Variants in GIT2 observed in about 807,000 individuals in gnomAD.
GIT2 encodes the protein ARF GTPase-activating protein GIT2.
A neutral mutation model predicts 100.3 loss-of-function variants in GIT2; 32 were observed. That is an observed-to-expected ratio of 0.32 (90% CI 0.24 to 0.43). GIT2 has a LOEUF of 0.43. Ranked by LOEUF, GIT2 falls within the 20% of genes least tolerant of loss-of-function variation. The pLI is 1.00. For synonymous variants in GIT2, 353 were observed against 364.1 expected, an observed-to-expected ratio of 0.97 and a Z score of 0.35; for missense variants, 737 against 975.1, an observed-to-expected ratio of 0.76 and a Z score of 3.25.
intron 9 of GIT2, among the ~76,000 whole-genome samples, chr12:109,963,945 C>T (rs1266693244): frequency 1.3e-5 from 2 of 152,136 alleles, no homozygotes; most frequent in African/African-American, 2.4e-5. Flanking sequence ...ATGTACTGAC[C>T]AGTCTGACTC....
In GIT2 at chr12:109,948,591, A is replaced by T. The variant is rs971202224; in HGVS notation, c.1393-1087T>A. On this transcript the variant is annotated intron_variant, in intron 14 of 19. Transcript: ENST00000355312. The surrounding 1 kb of genome is among the most constrained non-coding windows in gnomAD (Gnocchi z 4.3). ...TGGTGCGCCTTCATCTTCCATGGACATTCTATAAGCTGGGTGTGGTGTGAG... is the reference window on the plus strand; with the variant it reads ...TGGTGCGCCTTCATCTTCCATGGACTTTCTATAAGCTGGGTGTGGTGTGAG... The T allele has an allele frequency of 3.6e-6, 5 of 1,402,106 alleles. No individual in the cohort carries two copies. Among genetic ancestry groups the T allele is most frequent in the Non-Finnish European group, 4.6e-6 (5 of 1,085,342 alleles). 86.9% of individuals were successfully genotyped at this position (1,402,106 alleles called of 1,614,324 possible).
At position 109,948,992 on chromosome 12, in the gene GIT2, G is replaced by A. The variant is rs1592988252; in HGVS notation, c.1393-1488C>T. The A allele has an allele frequency of 3.3e-6, 2 of 602,654 alleles. No individual in the cohort carries two copies. Among genetic ancestry groups the A allele is most frequent in the Non-Finnish European group, 5.7e-6 (2 of 349,568 alleles). 37.3% of individuals were successfully genotyped at this position (602,654 alleles called of 1,614,324 possible). ...TACTTTATATTAATCATGCCAAACT[G>A]CTGTGAAAGTGTGACTTACTGCCTC... On this transcript the variant is annotated intron_variant, in intron 14 of 19. Coordinates refer to ENST00000355312, the MANE Select transcript of GIT2 (RefSeq NM_057169.5). This position sits in a 1 kb window ranked among gnomAD's most constrained non-coding sequence, Gnocchi z 4.3.
At chr12:109,946,537 C>T (rs1359851760) in intron 15 of GIT2, among the ~76,000 whole-genome samples, 1 of 152,172 alleles carries the variant, frequency 6.6e-6, no homozygotes, top group East Asian at 1.9e-4. Context: ...AACCTTATAA[C>T]ACAGTATGTA....
chr12:109,949,250 A>G (rs1196304337), intron 14 of GIT2, among the ~76,000 whole-genome samples: 1 of 152,262 alleles, frequency 6.6e-6, no homozygotes, highest in Non-Finnish European at 1.5e-5. Context: ...CCCAGGGCCT[A>G]GAGTGAAATG....
In GIT2 at chr12:109,948,549, G is replaced by A. The variant is rs928814168; in HGVS notation, c.1393-1045C>T. ...ACACCATTCACCACGTCCATTCTGCGCAGGGTCCTTCCCTTCTGGTGCGCC... is the reference window on the plus strand; with the variant it reads ...ACACCATTCACCACGTCCATTCTGCACAGGGTCCTTCCCTTCTGGTGCGCC... On this transcript the variant is annotated intron_variant, in intron 14 of 19. Coordinates refer to ENST00000355312, the MANE Select transcript of GIT2 (RefSeq NM_057169.5). This position sits in a 1 kb window ranked among gnomAD's most constrained non-coding sequence, Gnocchi z 4.3. The A allele has an allele frequency of 2.7e-5, 37 of 1,349,420 alleles. No individual in the cohort carries two copies. The highest frequency in any genetic ancestry group is 3.2e-5 in the Non-Finnish European group (34 of 1,055,660). The allele number at this position is 1,349,420 out of a possible 1,614,324, so 83.6% of individuals were successfully genotyped here. A position where few individuals can be genotyped will look rare whatever the true frequency, so the allele number is the denominator to read the frequency against.
At position 109,983,697 on chromosome 12, in the gene GIT2, G is replaced by GAAAAACGCAGA. The variant is rs759485511; in HGVS notation, c.406-14_406-4dup. 2.5e-6 allele frequency: 4 copies of GAAAAACGCAGA among 1,599,348 alleles called. No homozygotes were observed. The highest frequency in any genetic ancestry group is 3.4e-6 in the Non-Finnish European group (4 of 1,167,664). ...GTTCTCACGCTCGAATGGAGTTGCT[G>GAAAAACGCAGA]AAAAACGCAGAAACAAAAAAGGAAT... On this transcript the variant is annotated splice_polypyrimidine_tract_variant and splice_region_variant and intron_variant, in intron 4 of 19. Coordinates refer to ENST00000355312, the MANE Select transcript of GIT2 (RefSeq NM_057169.5).
At chr12:109,955,377 C>T (rs563664466) in intron 12 of GIT2, among the ~76,000 whole-genome samples, 4 of 152,140 alleles carry the variant, frequency 2.6e-5, no homozygotes, top group Non-Finnish European at 4.4e-5. Context: ...CTGCCCACCT[C>T]GGCCTCCCAA....
chr12:109,977,572 C>T (rs1401682192), intron 7 of GIT2, among the ~76,000 whole-genome samples: 2 of 151,794 alleles, frequency 1.3e-5, no homozygotes, highest in Non-Finnish European at 2.9e-5. Flanking sequence ...GCCTGCAGTC[C>T]CAGCCCTTTG....
At chr12:109,968,672 G>A (rs1230963823) in intron 7 of GIT2, among the ~76,000 whole-genome samples, 2 of 151,932 alleles carry the variant, frequency 1.3e-5, no homozygotes, top group African/African-American at 2.4e-5. Flanking sequence ...ATCTGCCTGC[G>A]TCGGCCTCCC....
intron 6 of GIT2, chr12:109,982,058 TTTTC>T (rs1396148123): frequency 1.3e-5 from 2 of 152,252 alleles, no homozygotes; most frequent in East Asian, 1.9e-4. Flanking sequence ...GGCTGAACTC[TTTTC>T]TTTTTTAGTG....
chr12:109,981,347 A>G (rs930530944), intron 6 of GIT2: 1 of 271,942 alleles, frequency 3.7e-6, no homozygotes, highest in African/African-American at 2.2e-5. Flanking sequence ...AGGTAAAAAA[A>G]TGAAATTAAT....
At chr12:109,938,939 A>T in intron 17 of GIT2, 3 of 532,710 alleles carry the variant, frequency 5.6e-6, no homozygotes, top group Non-Finnish European at 6.7e-6. Context: ...CACTACAGAC[A>T]GCTAGAGACA....
At chr12:109,980,027 G>A (rs1447060866) in intron 7 of GIT2, among the ~76,000 whole-genome samples, 1 of 152,162 alleles carries the variant, frequency 6.6e-6, no homozygotes, top group African/African-American at 2.4e-5. Flanking sequence ...CCATACACAA[G>A]GTATAAATAA....
chr12:109,946,706 C>G (rs569508135), intron 15 of GIT2, among the ~76,000 whole-genome samples: 1 of 152,134 alleles, frequency 6.6e-6, no homozygotes, highest in African/African-American at 2.4e-5. Context: ...AGAAGCGAAC[C>G]TAGCAGGCAC....
chr12:109,948,933 T>A lies in GIT2; in HGVS notation c.1393-1429A>T. 1.2e-6 allele frequency: 1 copy of A among 844,758 alleles called. No individual in the cohort carries two copies. The highest frequency in any genetic ancestry group is 1.9e-6 in the Non-Finnish European group (1 of 521,640). 52.3% of individuals were successfully genotyped at this position (844,758 alleles called of 1,614,324 possible). A position where few individuals can be genotyped will look rare whatever the true frequency, so the allele number is the denominator to read the frequency against. The stretch of plus-strand genomic sequence containing the variant: ...AACTTTACCCAACTTTGAAATATAA[T>A]CAATACATCTTTGCTAAATAAACAA... On this transcript the variant is annotated intron_variant, in intron 14 of 19. Coordinates refer to ENST00000355312, the MANE Select transcript of GIT2 (RefSeq NM_057169.5). This position sits in a 1 kb window ranked among gnomAD's most constrained non-coding sequence, Gnocchi z 4.3.
At position 109,961,637 on chromosome 12, in the gene GIT2, C is replaced by T; in HGVS notation, c.865G>A (p.Val289Ile). The change falls in exon 10 of 20, where the codon GTT (valine) becomes ATT (isoleucine). Residue 289 changes from valine (V) to isoleucine (I), a missense_variant. This residue lies in a region of GIT2 where 266 missense variants were observed against 376.2 expected (regional missense o/e 0.71). Transcript: ENST00000355312. Reference sequence around the variant, plus strand: ...CCTGCATCCGTCTCTCGCCTGTCAACTTCATCGTACACATCCATGGCAAGT... The same window carrying T: ...CCTGCATCCGTCTCTCGCCTGTCAATTTCATCGTACACATCCATGGCAAGT... ...EELAMDVYDE[V>I]DRRETDAVWL... is the part of the protein sequence containing the mutation. 1.2e-6 allele frequency: 2 copies of T among 1,607,590 alleles called. No individual in the cohort carries two copies. The highest frequency in any genetic ancestry group is 2.2e-5 in the South Asian group (2 of 90,934).
At chr12:109,942,852 A>G (rs1875187321) in intron 16 of GIT2, 1 of 152,224 alleles carries the variant, frequency 6.6e-6, no homozygotes, top group Non-Finnish European at 1.5e-5. Context: ...ACGTTAGTTA[A>G]GTCCTTCCAT....
In GIT2 at chr12:109,938,456, C is replaced by T; in HGVS notation, c.1927G>A (p.Val643Ile). 1 of 1,614,032 alleles carries T rather than the reference C, an allele frequency of 6.2e-7. No individual in the cohort carries two copies. Among genetic ancestry groups the T allele is most frequent in the Non-Finnish European group, 8.5e-7 (1 of 1,179,908 alleles). The change falls in exon 18 of 20, where the codon GTC becomes ATC. Residue 643 changes from valine (V) to isoleucine (I), a missense_variant. By Grantham distance (29) the Val-to-Ile change is conservative (BLOSUM62 3). This residue lies in a region of GIT2 where 451 missense variants were observed against 543.7 expected (regional missense o/e 0.83). Transcript: ENST00000355312. Reference protein sequence around the residue: ...PSPTLPSTEDVIRKTEQITKN... With the variant: ...PSPTLPSTEDIIRKTEQITKN... ...GTGATCTGTTCAGTCTTCCTGATGA[C>T]ATCTTCGGTGCTAGGGAGAGTGGGG...
At chr12:109,951,466 AC>A (rs750844257) in intron 13 of GIT2, 150 bp from the exon 14 acceptor site, 294 of 636,378 alleles carry the variant, frequency 4.6e-4, no homozygotes, top group Non-Finnish European at 6.7e-4. Context: ...CAAAACTAAA[AC>A]ATAAAAGTAG....
Sources: allele counts gnomAD v4.1 joint callset (sites outside exome capture counted in the v4.1 genomes callset), GRCh38; gene constraint gnomAD v4.1.1; regional missense constraint gnomAD v4.1.1; non-coding constraint Gnocchi (gnomAD v3.1); transcripts MANE v1.5; gene names NCBI Gene and HGNC (gene_info 2026-07-23, HGNC 2026-07-21).